The following LRRK2 variants were observed in gnomAD, a reference collection of about 807,000 sequenced individuals.
LRRK2 encodes the protein leucine rich repeat kinase 2, also known as leucine-rich repeat serine/threonine-protein kinase 2.
In LRRK2, 203 loss-of-function variants were observed where a neutral mutation model predicts 302.6. That is an observed-to-expected ratio of 0.67 (90% CI 0.60 to 0.75). LRRK2 has a LOEUF of 0.75. Among genes scored for constraint, LRRK2 ranks in the 30% least tolerant of loss-of-function variants. The pLI, the probability that LRRK2 is intolerant of heterozygous loss-of-function variation, is 0.00. For missense variants in LRRK2, 2,830 were observed against 2,951.0 expected (o/e 0.96, Z 0.95); for synonymous variants, 1,066 against 1,031.9 (o/e 1.03, Z -0.63).
chr12:40,233,132 C>T (rs545267449), intron 3 of LRRK2, among the ~76,000 whole-genome samples: 101 of 152,100 alleles, frequency 6.6e-4, no homozygotes, highest in African/African-American at 2.2e-3. Context: ...ACCTGGGAGG[C>T]GGAGGTTGCA....
chr12:40,359,538 G>A (rs554868515), intron 47 of LRRK2, 94 bp downstream of exon 47: 82 of 1,042,062 alleles, frequency 7.9e-5, no homozygotes, highest in Non-Finnish European at 1.0e-4. Context: ...TCATAAGGAA[G>A]ATCTTTTAAA....
chr12:40,236,693 C>T (rs935894126), intron 4 of LRRK2, among the ~76,000 whole-genome samples: 1 of 152,010 alleles, frequency 6.6e-6, no homozygotes, highest in Non-Finnish European at 1.5e-5. Context: ...CTCATCAGTC[C>T]TGCTAAGAGA....
At chr12:40,266,481 T>C (rs1285138845) in intron 14 of LRRK2, among the ~76,000 whole-genome samples, 1 of 152,100 alleles carries the variant, frequency 6.6e-6, no homozygotes, top group Non-Finnish European at 1.5e-5. Flanking sequence ...AGAATGGCGA[T>C]CATTAAAAAG....
At chr12:40,313,246 A>T (rs1167663144) in intron 31 of LRRK2, among the ~76,000 whole-genome samples, 1 of 152,044 alleles carries the variant, frequency 6.6e-6, no homozygotes, top group East Asian at 1.9e-4. Context: ...ATTATATTTT[A>T]AAAAACGTTT....
chr12:40,350,049 T>G (rs1946307303), intron 43 of LRRK2, among the ~76,000 whole-genome samples: 1 of 152,174 alleles, frequency 6.6e-6, no homozygotes, highest in Non-Finnish European at 1.5e-5. Flanking sequence ...TCAGCAACCT[T>G]TTGCTCCCTC....
In LRRK2 at chr12:40,252,905, GAA is replaced by G. The variant is rs762080167; in HGVS notation, c.1182-3_1182-2del. 1 of 1,607,006 alleles carries G rather than the reference GAA, an allele frequency of 6.2e-7. No homozygotes were observed. Among genetic ancestry groups the G allele is most frequent in the Admixed American group, 1.7e-5 (1 of 59,958 alleles). ...CTACTAACATTTTGTTTGAATTTTT[GAA>G]AGTTTCCCAGCTCATAGGGAAGTGA... On this transcript the variant is annotated splice_region_variant and splice_polypyrimidine_tract_variant and intron_variant, in intron 10 of 50. Coordinates refer to ENST00000298910, the MANE Select transcript of LRRK2 (RefSeq NM_198578.4).
intron 40 of LRRK2, among the ~76,000 whole-genome samples, chr12:40,337,065 C>A (rs1945894093): frequency 6.6e-6 from 1 of 152,174 alleles, no homozygotes; most frequent in African/African-American, 2.4e-5. Context: ...CTAATTTGTT[C>A]TTAGCATAAT....
In LRRK2 at chr12:40,346,897, A is replaced by G. The variant is rs1164441041; in HGVS notation, c.6254A>G (p.Glu2085Gly). ...EGLKFPNEFD[E>G]LEIQGKLPDP... Reference sequence around the variant, plus strand: ...TTGAAGTTTCCAAATGAGTTTGATGAATTAGAAATACAAGGAAAATTACCT... The same window carrying G: ...TTGAAGTTTCCAAATGAGTTTGATGGATTAGAAATACAAGGAAAATTACCT... Residue 2085 changes from glutamate to glycine, a missense_variant, in exon 42 of 51, where the codon GAA becomes GGA. Physicochemically the swap from Glu to Gly is moderately conservative, Grantham distance 98. Transcript: ENST00000298910. 6.2e-7 allele frequency: 1 copy of G among 1,611,780 alleles called. No individual in the cohort carries two copies. The highest frequency in any genetic ancestry group is 1.7e-5 in the Admixed American group (1 of 59,614).
chr12:40,280,357 C>T (rs1203093949), intron 18 of LRRK2, among the ~76,000 whole-genome samples: 2 of 152,072 alleles, frequency 1.3e-5, no homozygotes, highest in East Asian at 3.9e-4. Flanking sequence ...TGCAGGGTGG[C>T]TCATGCCTGT....
In LRRK2 at chr12:40,333,757, T is replaced by C. The variant is rs548469183; in HGVS notation, c.5758-1210T>C. Among the ~76,000 whole-genome samples, 7 of 151,932 alleles carry C rather than the reference T, an allele frequency of 4.6e-5. No individual in the cohort carries two copies. The South Asian group carries it at 1.3e-3, about 27-fold the overall frequency. ...GGCCCATGGCGGGCCTCTCTGAGGA[T>C]GTGGTAATATTTGAGATAAGATCTG... On this transcript the variant is annotated intron_variant, in intron 39 of 50. Transcript: ENST00000298910.
intron 14 of LRRK2, among the ~76,000 whole-genome samples, chr12:40,271,778 A>G (rs17490907): frequency 2.1e-3 from 314 of 152,272 alleles, no homozygotes; most frequent in African/African-American, 7.3e-3. Flanking sequence ...TTATTGGTTT[A>G]TTAATGCACC....
At chr12:40,313,856 G>A in intron 31 of LRRK2, 116 bp from the exon 32 acceptor site, 1 of 734,780 alleles carries the variant, frequency 1.4e-6, no homozygotes, top group Admixed American at 2.6e-5. Flanking sequence ...ATTTAAAAAT[G>A]TACTTCTGAA....
At chr12:40,364,236 A>C (rs1946805019) in intron 48 of LRRK2, among the ~76,000 whole-genome samples, 2 of 152,012 alleles carry the variant, frequency 1.3e-5, no homozygotes, top group African/African-American at 4.8e-5. Flanking sequence ...TTCCTGTCTT[A>C]GATTCATCTG....
chr12:40,336,111 T>TC (rs1945862322), intron 40 of LRRK2, among the ~76,000 whole-genome samples: 1 of 152,180 alleles, frequency 6.6e-6, no homozygotes, highest in South Asian at 2.1e-4. Context: ...CAGGACTTGT[T>TC]CCTGTTATTA....
intron 18 of LRRK2, among the ~76,000 whole-genome samples, chr12:40,279,897 C>T (rs962361867): frequency 2.8e-4 from 42 of 152,228 alleles, no homozygotes; most frequent in African/African-American, 8.9e-4. Context: ...ATGAGTTTGT[C>T]GTATGTACCT....
intron 25 of LRRK2, among the ~76,000 whole-genome samples, chr12:40,299,746 G>T (rs1944551219): frequency 6.6e-6 from 1 of 152,068 alleles, no homozygotes. Context: ...AGTGATAATG[G>T]TGTGTCAAAT....
intron 18 of LRRK2, among the ~76,000 whole-genome samples, chr12:40,281,980 G>T (rs1349487913): frequency 6.6e-6 from 1 of 151,574 alleles, no homozygotes; most frequent in Non-Finnish European, 1.5e-5. Context: ...TATAAGAGAA[G>T]GCATTTGTGA....
rs143541544 is a variant in LRRK2 at position 40,355,377 on chromosome 12, A to G, written c.6771-738A>G. ...GGGTGAGCTAATGGAAACGTACTGG[A>G]GCACCTTGTTGGAAGGAAGTGGGAG... On this transcript the variant is annotated intron_variant, in intron 45 of 50. Transcript: ENST00000298910. Among the ~76,000 whole-genome samples, 1,448 of 152,140 alleles carry G rather than the reference A, an allele frequency of 9.5e-3. 13 individuals are homozygous for G. The highest frequency in any genetic ancestry group is 0.012 in the Non-Finnish European group (847 of 67,994).
At position 40,293,294 on chromosome 12, in the gene LRRK2, C is replaced by T. The variant is rs57315777; in HGVS notation, c.2690-251C>T. ...CTGCATATCAGTATCCCGTGCTTAC[C>T]CAGTGTCTAGTCTGTAACAGCCATT... is the stretch of plus-strand genomic sequence containing the variant. On this transcript the variant is annotated intron_variant, in intron 20 of 50. Transcript: ENST00000298910. 0.024 allele frequency among the ~76,000 whole-genome samples: 3,613 copies of T among 151,944 alleles called. 160 individuals are homozygous for T. The highest frequency in any genetic ancestry group is 0.082 in the African/African-American group (3,418 of 41,468).
Sources: gnomAD v4.1 joint callset for allele counts (sites outside exome capture counted in the v4.1 genomes callset) on GRCh38, gnomAD v4.1.1 for gene constraint, MANE v1.5 for transcripts, NCBI Gene and HGNC (gene_info 2026-07-23, HGNC 2026-07-21) for gene names.